ACOT9: variants seen among roughly 807,000 people sequenced by gnomAD.
ACOT9 encodes acyl-coenzyme A thioesterase 9, mitochondrial.
In ACOT9, 34 loss-of-function variants were observed where a neutral mutation model predicts 39.7. The ratio of observed to expected loss-of-function variants is 0.86; its 90% CI spans 0.65 to 1.14. ACOT9 has a LOEUF of 1.14. Ranked by LOEUF, ACOT9 falls within the 50% of genes most tolerant of loss-of-function variation. The pLI is 0.00. For synonymous variants in ACOT9, 110 were observed against 120.5 expected, an observed-to-expected ratio of 0.91 and a Z score of 0.57; for missense variants, 313 against 344.1, an observed-to-expected ratio of 0.91 and a Z score of 0.71.
rs891744670 is a variant in ACOT9 at position 23,706,870 on chromosome X, C to A, written c.731-131G>T. On this transcript the variant is annotated intron_variant, in intron 10 of 15. Transcript: ENST00000379303. ...ATCCAAGAGAAAACTGCAGAGGCCA[C>A]ATAAAACTCCCAGTGAGTCTTTGGT... 8 of 416,221 alleles carry A rather than the reference C, an allele frequency of 1.9e-5. No homozygotes were observed. The African/African-American group carries it at 2.0e-4, about 11-fold the overall frequency. 34.3% of individuals were successfully genotyped at this position (416,221 alleles called of 1,213,427 possible).
At chrX:23,716,695 T>A (rs1371360314) in intron 8 of ACOT9, among the ~76,000 whole-genome samples, 1 of 111,326 alleles carries the variant, frequency 9.0e-6, no homozygotes, top group Non-Finnish European at 1.9e-5. Flanking sequence ...AGGAGTTTTG[T>A]TTTTTGTTTG....
At chrX:23,710,445 AG>A (rs758250880) in intron 9 of ACOT9, among the ~76,000 whole-genome samples, 20 of 112,099 alleles carry the variant, frequency 1.8e-4, no homozygotes, top group Non-Finnish European at 3.2e-4. Flanking sequence ...ACAGGTGGAA[AG>A]GAGCCAGCTT....
chrX:23,708,479 G>A (rs1383988953), intron 9 of ACOT9, among the ~76,000 whole-genome samples: 3 of 107,766 alleles, frequency 2.8e-5, no homozygotes, highest in Middle Eastern at 4.8e-3. Flanking sequence ...GCGGTGAGCC[G>A]AGATCGTGCC....
Position 23,730,838 on chromosome X carries a change from A to G in ACOT9, c.340T>C (p.Leu114=). 8.3e-7 allele frequency: 1 copy of G among 1,208,773 alleles called. No homozygotes were observed. The highest frequency in any genetic ancestry group is 1.1e-6 in the Non-Finnish European group (1 of 894,107). ...GSEPELREKY[L]TVQNTVRFGR... is the part of the protein sequence containing the mutation. Reference sequence around the variant, plus strand: ...TACCTTACGGTGTTTTGAACAGTCAAATATTTCTCTCGTAATTCAGGCTCA... The same window carrying G: ...TACCTTACGGTGTTTTGAACAGTCAGATATTTCTCTCGTAATTCAGGCTCA... Residue 114 remains leucine (L), a synonymous_variant, in exon 5 of 16, where the codon TTG becomes CTG. Transcript: ENST00000379303.
In ACOT9 at chrX:23,730,954, A is replaced by G; in HGVS notation, c.224T>C (p.Leu75Ser). The change falls in exon 5 of 16, where the codon TTA (leucine) becomes TCA (serine). Residue 75 changes from leucine (L) to serine (S), a missense_variant. Physicochemically the swap from Leu to Ser is moderately radical, Grantham distance 145 (BLOSUM62 -2). Coordinates refer to ENST00000379303, the MANE Select transcript of ACOT9 (RefSeq NM_001037171.2). ...DHVKAMEERK[L>S]LHSFLAKSQD... ...TGATTTAGCCAAGAAACTATGAAGT[A>G]ATTTCCTTTCTTCCATTGCCTTCAC... 8.3e-7 allele frequency: 1 copy of G among 1,210,233 alleles called. No individual in the cohort carries two copies.
At chrX:23,735,240 CAAAAAAAA>C (rs35950361) in intron 2 of ACOT9, among the ~76,000 whole-genome samples, 2 of 29,151 alleles carry the variant, frequency 6.9e-5, no homozygotes, top group African/African-American at 2.7e-4. Flanking sequence ...GACTCCATCC[CAAAAAAAA>C]AAAAAAAAAA....
Position 23,743,208 on chromosome X carries a change from C to T in ACOT9, c.-64G>A. The T allele has an allele frequency of 8.9e-7, 1 of 1,126,497 alleles. No homozygotes were observed. The highest frequency in any genetic ancestry group is 1.2e-6 in the Non-Finnish European group (1 of 847,473). 92.8% of individuals were successfully genotyped at this position (1,126,497 alleles called of 1,213,427 possible). On this transcript the variant is annotated 5_prime_UTR_variant, in exon 1 of 16. Transcript: ENST00000379303. The stretch of plus-strand genomic sequence containing the variant: ...CCGCGCGCTAGTCGGCGGAGGGAAA[C>T]TGAGGCGATAAAAGACGCACGAGTA...
At chrX:23,732,743 T>G (rs759861742) in intron 4 of ACOT9, among the ~76,000 whole-genome samples, 1 of 111,335 alleles carries the variant, frequency 9.0e-6, no homozygotes, top group African/African-American at 3.3e-5. Flanking sequence ...TGACTAATTT[T>G]GAACTGACAA....
chrX:23,725,910 T>G (rs776878463), intron 6 of ACOT9, among the ~76,000 whole-genome samples: 1 of 104,250 alleles, frequency 9.6e-6, no homozygotes, highest in East Asian at 3.2e-4. Context: ...AATTATAAAA[T>G]TCAAAAGGCC....
At chrX:23,725,442 G>T (rs1355731548) in intron 6 of ACOT9, among the ~76,000 whole-genome samples, 1 of 89,179 alleles carries the variant, frequency 1.1e-5, no homozygotes, top group Non-Finnish European at 2.1e-5. Flanking sequence ...CTGCACTCCA[G>T]TCTAGGTGAC....
At chrX:23,742,233 A>AGAGAGAGAGAGAGAGAGAGG (rs1920976919) in intron 1 of ACOT9, among the ~76,000 whole-genome samples, 2 of 52,446 alleles carry the variant, frequency 3.8e-5, no homozygotes, top group African/African-American at 2.6e-4. Context: ...AGAGAGAGAG[A>AGAGAGAGAGAGAGAGAGAGG]GAGGGAGAGA....
At chrX:23,719,962 A>G (rs1293071386) in intron 8 of ACOT9, among the ~76,000 whole-genome samples, 3 of 109,398 alleles carry the variant, frequency 2.7e-5, no homozygotes, top group Non-Finnish European at 5.7e-5. Context: ...TCAGCCTCCC[A>G]TAGCTGGGAT....
At chrX:23,707,659 C>T in intron 10 of ACOT9, 1 of 255,117 alleles carries the variant, frequency 3.9e-6, no homozygotes, top group African/African-American at 2.9e-5. Flanking sequence ...ATCACTTGAA[C>T]CCAGGAGGCA....
chrX:23,704,327 T>C (rs1238559785), intron 15 of ACOT9, among the ~76,000 whole-genome samples: 5 of 97,055 alleles, frequency 5.2e-5, no homozygotes, highest in Middle Eastern at 5.1e-3. Context: ...CCCGCCACCG[T>C]GCCCGGCTAA....
Position 23,724,350 on chromosome X carries a change from T to C in ACOT9, c.401-1597A>G, listed in dbSNP as rs141724426. Among the ~76,000 whole-genome samples the C allele has an allele frequency of 8.2e-3, 918 of 111,855 alleles. 10 individuals carry two copies. The highest frequency in any genetic ancestry group is 0.028 in the African/African-American group (855 of 30,859). ...CCTATGGCACATCCAAATGAAGGTATTGGGGAGGGCACAGTTGTTCACACC... is the reference window on the plus strand; with the variant it reads ...CCTATGGCACATCCAAATGAAGGTACTGGGGAGGGCACAGTTGTTCACACC... On this transcript the variant is annotated intron_variant, in intron 6 of 15. Transcript: ENST00000379303.
chrX:23,743,263 G>T lies in ACOT9; in HGVS notation c.-119C>A. 1 of 943,619 alleles carries T rather than the reference G, an allele frequency of 1.1e-6. No individual in the cohort carries two copies. The highest frequency in any genetic ancestry group is 1.4e-6 in the Non-Finnish European group (1 of 715,576). The allele number at this position is 943,619 out of a possible 1,213,427, so 77.8% of individuals were successfully genotyped here. Reference sequence around the variant, plus strand: ...ACCGCGCCCTTGCTGAGGACAGCCCGGGAGCCGGACAGCGGTGTCCGGGGG... The same window carrying T: ...ACCGCGCCCTTGCTGAGGACAGCCCTGGAGCCGGACAGCGGTGTCCGGGGG... On this transcript the variant is annotated 5_prime_UTR_variant, in exon 1 of 16. Transcript: ENST00000379303.
chrX:23,704,054 A>T, intron 15 of ACOT9, 72 bp from the exon 16 acceptor site: 4 of 882,977 alleles, frequency 4.5e-6, no homozygotes, highest in Non-Finnish European at 6.6e-6. Context: ...TCATACAAAC[A>T]CAAGACTACT....
At chrX:23,713,557 A>AG (rs1397470832) in intron 8 of ACOT9, among the ~76,000 whole-genome samples, 1 of 107,634 alleles carries the variant, frequency 9.3e-6, no homozygotes, top group African/African-American at 3.4e-5. Flanking sequence ...TAAAAAAAAA[A>AG]AAAGAAAAAA....
chrX:23,720,534 C>T (rs943344913), intron 8 of ACOT9, among the ~76,000 whole-genome samples: 1 of 111,285 alleles, frequency 9.0e-6, no homozygotes, highest in Non-Finnish European at 1.9e-5. Context: ...CATGTGATGA[C>T]GGAGGCAGAG....
Sources: allele counts gnomAD v4.1 joint callset (sites outside exome capture counted in the v4.1 genomes callset), GRCh38; gene constraint gnomAD v4.1.1; transcripts MANE v1.5; gene names NCBI Gene and HGNC (gene_info 2026-07-23, HGNC 2026-07-21).